Variants in CFAP299 observed in about 807,000 individuals in gnomAD.
CFAP299 encodes the protein cilia- and flagella-associated protein 299.
In CFAP299, 21 loss-of-function variants were observed where a neutral mutation model predicts 27.0. The observed-to-expected ratio is 0.78, with a 90% CI of 0.55 to 1.12. CFAP299 has a LOEUF of 1.12. Ranked by LOEUF, CFAP299 falls within the 50% of genes most tolerant of loss-of-function variation. CFAP299 has a pLI of 0.00. For missense variants in CFAP299, 310 were observed against 276.6 expected (o/e 1.12, Z -0.86); for synonymous variants, 104 against 98.1 (o/e 1.06, Z -0.36).
chr4:80,854,842 A>AG (rs1731748775), intron 3 of CFAP299, among the ~76,000 whole-genome samples: 1 of 135,396 alleles, frequency 7.4e-6, no homozygotes, highest in African/African-American at 2.8e-5. Flanking sequence ...AAAAAACAGA[A>AG]AAGGAAAATT....
At position 80,436,440 on chromosome 4, in the gene CFAP299, C is replaced by T. The variant is rs909430111; in HGVS notation, c.242+73556C>T. On this transcript the variant is annotated intron_variant, in intron 2 of 5. Coordinates refer to ENST00000358105, the MANE Select transcript of CFAP299 (RefSeq NM_152770.3). ...CAGCATCCCGAGTAGCTGGGACTACCGGCACCCATCACCATGCCCGGCTAA... is the reference window on the plus strand; with the variant it reads ...CAGCATCCCGAGTAGCTGGGACTACTGGCACCCATCACCATGCCCGGCTAA... Among the ~76,000 whole-genome samples the T allele has an allele frequency of 2.6e-5, 4 of 151,792 alleles. No individual in the cohort carries two copies. The East Asian group carries it at 5.8e-4, about 22-fold the overall frequency.
intron 3 of CFAP299, among the ~76,000 whole-genome samples, chr4:80,864,307 A>C (rs911108406): frequency 6.6e-6 from 1 of 151,286 alleles, no homozygotes; most frequent in Non-Finnish European, 1.5e-5. Context: ...CTCAGGCTGA[A>C]ATAAACCTAA....
Position 80,434,637 on chromosome 4 carries a change from A to G in CFAP299, c.242+71753A>G, listed in dbSNP as rs548053501. Among the ~76,000 whole-genome samples, 3 of 152,354 alleles carry G rather than the reference A, an allele frequency of 2.0e-5. No homozygotes were observed. The South Asian group carries it at 6.2e-4, about 32-fold the overall frequency. On this transcript the variant is annotated intron_variant, in intron 2 of 5. Coordinates refer to ENST00000358105, the MANE Select transcript of CFAP299 (RefSeq NM_152770.3). ...CATTTTCAGAATATAATGAACAAGC[A>G]CTAAACCTCTGTTTTCTTTATGAAC...
At chr4:80,420,852 G>C (rs1015070846) in intron 2 of CFAP299, among the ~76,000 whole-genome samples, 8 of 152,050 alleles carry the variant, frequency 5.3e-5, no homozygotes, top group African/African-American at 1.9e-4. Context: ...CTCACCTGTT[G>C]CTTCAGCCCA....
intron 3 of CFAP299, among the ~76,000 whole-genome samples, chr4:80,722,199 C>A (rs1722861702): frequency 6.6e-6 from 1 of 151,762 alleles, no homozygotes; most frequent in Admixed American, 6.6e-5. Context: ...GGGCGGATCA[C>A]CTGAGGTCAG....
At chr4:80,521,553 C>A (rs1732912759) in intron 2 of CFAP299, among the ~76,000 whole-genome samples, 1 of 152,082 alleles carries the variant, frequency 6.6e-6, no homozygotes, top group Non-Finnish European at 1.5e-5. Flanking sequence ...TGTTGTACAG[C>A]AGATCCTAAA....
intron 3 of CFAP299, among the ~76,000 whole-genome samples, chr4:80,839,387 C>A (rs539535234): frequency 1.1e-4 from 17 of 152,188 alleles, no homozygotes; most frequent in Admixed American, 2.0e-4. Context: ...GAAATACTGT[C>A]TCTTGTTCTG....
chr4:80,697,511 T>C (rs1721182424), intron 3 of CFAP299, among the ~76,000 whole-genome samples: 1 of 152,116 alleles, frequency 6.6e-6, no homozygotes, highest in South Asian at 2.1e-4. Context: ...AAAGCAACAA[T>C]AGCAAAAGAC....
intron 2 of CFAP299, among the ~76,000 whole-genome samples, chr4:80,494,754 C>T (rs1468672382): frequency 7.8e-6 from 1 of 128,942 alleles, no homozygotes; most frequent in Non-Finnish European, 1.6e-5. Context: ...ATGTTGGGTA[C>T]ATTAATATGT....
intron 3 of CFAP299, among the ~76,000 whole-genome samples, chr4:80,673,509 G>A (rs1719152386): frequency 6.6e-6 from 1 of 151,932 alleles, no homozygotes; most frequent in Non-Finnish European, 1.5e-5. Flanking sequence ...GGAGAGTTCT[G>A]TAGGTGTCTA....
At chr4:80,947,949 C>T (rs1232708804) in intron 5 of CFAP299, among the ~76,000 whole-genome samples, 1 of 152,060 alleles carries the variant, frequency 6.6e-6, no homozygotes, top group Non-Finnish European at 1.5e-5. Flanking sequence ...ATAGAAATTA[C>T]ATTTTTATAG....
rs1021936614 is a variant in CFAP299, at chr4:80,362,866, C to T, written c.224C>T (p.Ala75Val). 3.7e-6 allele frequency: 6 copies of T among 1,609,160 alleles called. No individual in the cohort carries two copies. The highest frequency in any genetic ancestry group is 5.1e-6 in the Non-Finnish European group (6 of 1,178,644). ...RKAAIEIARLAERAQQKTLTS... is the reference protein window; with the variant it reads ...RKAAIEIARLVERAQQKTLTS... The stretch of plus-strand genomic sequence containing the variant: ...GCGGCTATAGAGATTGCAAGACTGG[C>T]TGAAAGAGCTCAGCAAAAGTAAGTG... Residue 75 changes from alanine (A) to valine (V), a missense_variant, in exon 2 of 6, where the codon GCT (alanine) becomes GTT (valine). By Grantham distance (64) the Ala-to-Val change is moderately conservative (BLOSUM62 0). Transcript: ENST00000358105.
At chr4:80,901,956 C>A (rs1734921934) in intron 4 of CFAP299, among the ~76,000 whole-genome samples, 1 of 152,078 alleles carries the variant, frequency 6.6e-6, no homozygotes, top group Non-Finnish European at 1.5e-5. Flanking sequence ...GTTTCTCTCT[C>A]TGTCCTCTGA....
chr4:80,799,926 AT>A lies in CFAP299; in HGVS notation c.334-70064del, dbSNP rs1461643012. ...TTATAATATAATATATAATATATAT[AT>A]TTATATATTATATTATATAAATATT... On this transcript the variant is annotated intron_variant, in intron 3 of 5. Coordinates refer to ENST00000358105, the MANE Select transcript of CFAP299 (RefSeq NM_152770.3). Among the ~76,000 whole-genome samples, 375 of 44,984 alleles carry A rather than the reference AT, an allele frequency of 8.3e-3. 14 individuals carry two copies. Among genetic ancestry groups the A allele is most frequent in the South Asian group, 0.022 (31 of 1,418 alleles). The allele number at this position is 44,984 out of a possible 152,430, so 29.5% of individuals were successfully genotyped here. A position where few individuals can be genotyped will look rare whatever the true frequency, so the allele number is the denominator to read the frequency against.
rs750972628 is a variant in CFAP299 at position 80,573,741 on chromosome 4, G to A, written c.243-9352G>A. Among the ~76,000 whole-genome samples, 5 of 152,008 alleles carry A rather than the reference G, an allele frequency of 3.3e-5. No individual in the cohort carries two copies. The East Asian group carries it at 9.7e-4, about 29-fold the overall frequency. On this transcript the variant is annotated intron_variant, in intron 2 of 5. Transcript: ENST00000358105. Reference sequence around the variant, plus strand: ...CTCATTTCCCTAATATATATTCTTTGCACCTTTATAAAAAATGAATGCACT... The same window carrying A: ...CTCATTTCCCTAATATATATTCTTTACACCTTTATAAAAAATGAATGCACT...
At chr4:80,863,201 C>CTT (rs71664821) in intron 3 of CFAP299, among the ~76,000 whole-genome samples, 1,884 of 133,550 alleles carry the variant, frequency 0.014, 36 homozygotes, top group African/African-American at 0.044. Context: ...GCTTAGCATG[C>CTT]TTTTTTTTTT....
At chr4:80,427,122 A>G (rs1035771507) in intron 2 of CFAP299, among the ~76,000 whole-genome samples, 3 of 152,184 alleles carry the variant, frequency 2.0e-5, no homozygotes, top group Non-Finnish European at 2.9e-5. Context: ...ATTTGAGGAA[A>G]TGCTATAGTA....
intron 2 of CFAP299, among the ~76,000 whole-genome samples, chr4:80,421,810 A>G (rs1402318510): frequency 1.3e-5 from 2 of 152,212 alleles, no homozygotes; most frequent in African/African-American, 4.8e-5. Flanking sequence ...ATAAAACTCC[A>G]GTGTTATAAT....
At chr4:80,959,875 C>T (rs146208577) in intron 5 of CFAP299, among the ~76,000 whole-genome samples, 2,508 of 151,478 alleles carry the variant, frequency 0.017, 71 homozygotes, top group African/African-American at 0.057. Flanking sequence ...ATCAGGGTAC[C>T]AGAGAAATAA....
Sources: allele counts gnomAD v4.1 joint callset (sites outside exome capture counted in the v4.1 genomes callset), GRCh38; gene constraint gnomAD v4.1.1; transcripts MANE v1.5; gene names NCBI Gene and HGNC (gene_info 2026-07-23, HGNC 2026-07-21).